The following PRDM6 variants were observed in gnomAD, a reference collection of about 807,000 sequenced individuals.
PRDM6 encodes putative histone-lysine N-methyltransferase PRDM6.
Under a neutral mutation model 60.8 loss-of-function variants are expected in PRDM6, and 25 were observed. That is an observed-to-expected ratio of 0.41 (90% CI 0.30 to 0.57). The LOEUF is 0.57. Among genes scored for constraint, PRDM6 ranks in the 20% least tolerant of loss-of-function variants. The pLI is 0.27. For missense variants in PRDM6, 839 were observed against 821.3 expected, an observed-to-expected ratio of 1.02 and a Z score of -0.26; for synonymous variants, 407 against 357.4, an observed-to-expected ratio of 1.14 and a Z score of -1.57.
chr5:123,125,538 A>C (rs1764675447), intron 3 of PRDM6, among the ~76,000 whole-genome samples: 1 of 152,212 alleles, frequency 6.6e-6, no homozygotes, highest in Non-Finnish European at 1.5e-5. Flanking sequence ...CCAGAAATTC[A>C]AAGTCTGCTC....
chr5:123,163,954 T>G (rs162953), intron 5 of PRDM6, among the ~76,000 whole-genome samples: 78,234 of 151,806 alleles, frequency 0.52, 20,392 homozygotes, highest in East Asian at 0.61. Flanking sequence ...TGGGACCTCT[T>G]CACGGTGCCC....
Position 123,090,067 on chromosome 5 carries a change from C to A in PRDM6, c.53C>A (p.Ala18Asp). 6.5e-7 allele frequency: 1 copy of A among 1,548,444 alleles called. No homozygotes were observed. Among genetic ancestry groups the A allele is most frequent in the Non-Finnish European group, 8.7e-7 (1 of 1,146,088 alleles). The part of the protein sequence containing the change: ...GGSAFLKVDP[A>D]YLQHWQQLFP... ...TCGGCCTTCCTCAAAGTGGACCCAGCCTACCTGCAGCACTGGCAGCAACTC... is the reference window on the plus strand; with the variant it reads ...TCGGCCTTCCTCAAAGTGGACCCAGACTACCTGCAGCACTGGCAGCAACTC... Residue 18 changes from alanine (A) to aspartate (D), a missense_variant, in exon 2 of 8, where the codon GCC becomes GAC. Ala to Asp is a moderately radical substitution (Grantham distance 126, BLOSUM62 -2). Around this residue, in one of 2 missense-constraint regions of PRDM6, gnomAD observed 730 missense variants for 648.8 expected, o/e 1.13. Coordinates refer to ENST00000407847, the MANE Select transcript of PRDM6 (RefSeq NM_001136239.4).
chr5:123,133,970 G>A (rs1216815720), intron 3 of PRDM6, among the ~76,000 whole-genome samples: 1 of 152,046 alleles, frequency 6.6e-6, no homozygotes. Context: ...AATGCCACAC[G>A]AACTTTTCAT....
rs1766362996 is a variant in PRDM6 at position 123,189,491 on chromosome 5, T to G, written c.*2290T>G. ...CCCTTGATGTCTGGCATGGGAAGGTTTTCCTTAACAATGATCTCTCTGCCA... is the reference window on the plus strand; with the variant it reads ...CCCTTGATGTCTGGCATGGGAAGGTGTTCCTTAACAATGATCTCTCTGCCA... On this transcript the variant is annotated 3_prime_UTR_variant, in exon 8 of 8. Transcript: ENST00000407847. The G allele has an allele frequency of 6.6e-6, 1 of 152,120 alleles. No homozygotes were observed. The highest frequency in any genetic ancestry group is 1.5e-5 in the Non-Finnish European group (1 of 68,022). The allele number at this position is 152,120 out of a possible 1,614,324, so 9.4% of individuals were successfully genotyped here. A position where few individuals can be genotyped will look rare whatever the true frequency, so the allele number is the denominator to read the frequency against.
intron 3 of PRDM6, among the ~76,000 whole-genome samples, chr5:123,129,098 G>A (rs965548406): frequency 8.6e-5 from 13 of 152,038 alleles, no homozygotes; most frequent in African/African-American, 3.1e-4. Flanking sequence ...ATTTCTGAGG[G>A]CTCTGTTCTG....
At chr5:123,122,889 T>G (rs75225032) in intron 3 of PRDM6, among the ~76,000 whole-genome samples, 1,707 of 152,144 alleles carry the variant, frequency 0.011, 33 homozygotes, top group African/African-American at 0.039. Flanking sequence ...TTACTACGAG[T>G]TTAATGATTG....
intron 3 of PRDM6, among the ~76,000 whole-genome samples, chr5:123,155,218 A>G (rs1459774697): frequency 6.6e-6 from 1 of 150,828 alleles, no homozygotes; most frequent in African/African-American, 2.4e-5. Flanking sequence ...TGTAGGATTC[A>G]TAGGAGACAG....
intron 3 of PRDM6, among the ~76,000 whole-genome samples, chr5:123,146,222 G>C (rs1261281659): frequency 6.6e-6 from 1 of 152,158 alleles, no homozygotes; most frequent in African/African-American, 2.4e-5. Flanking sequence ...TCAGGTTTCA[G>C]CAAGGTCTAT....
chr5:123,168,392 GAA>G (rs894474996), intron 5 of PRDM6, among the ~76,000 whole-genome samples: 2 of 150,316 alleles, frequency 1.3e-5, no homozygotes, highest in Non-Finnish European at 3.0e-5. Flanking sequence ...TGTATGGTCA[GAA>G]AAAAAAAATT....
At chr5:123,157,078 A>G (rs1644319) in intron 4 of PRDM6, among the ~76,000 whole-genome samples, 15,795 of 143,602 alleles carry the variant, frequency 0.11, 1,117 homozygotes, top group African/African-American at 0.21. Context: ...TTTTTTTTTT[A>G]AACGAAGCTT....
intron 3 of PRDM6, among the ~76,000 whole-genome samples, chr5:123,105,494 G>A (rs954091771): frequency 1.3e-5 from 2 of 152,184 alleles, no homozygotes; most frequent in Admixed American, 6.5e-5. Flanking sequence ...ACTTACAGTT[G>A]TAGTATAATA....
At chr5:123,128,133 G>A (rs538250577) in intron 3 of PRDM6, among the ~76,000 whole-genome samples, 2 of 152,314 alleles carry the variant, frequency 1.3e-5, no homozygotes, top group African/African-American at 2.4e-5. Flanking sequence ...ATTCCATGGT[G>A]TATATGTGCC....
chr5:123,094,059 C>T (rs1763904628), intron 2 of PRDM6, among the ~76,000 whole-genome samples: 1 of 151,820 alleles, frequency 6.6e-6, no homozygotes, highest in South Asian at 2.1e-4. Context: ...GGTGTGGGAG[C>T]GGGGCTTGAG....
chr5:123,167,927 T>TA (rs1457468581), intron 5 of PRDM6, among the ~76,000 whole-genome samples: 1 of 152,204 alleles, frequency 6.6e-6, no homozygotes, highest in Non-Finnish European at 1.5e-5. Context: ...TAATGTTGCC[T>TA]AAAACCTCGT....
intron 3 of PRDM6, among the ~76,000 whole-genome samples, chr5:123,114,906 A>G (rs1344499807): frequency 6.6e-6 from 1 of 152,220 alleles, no homozygotes; most frequent in Non-Finnish European, 1.5e-5. Flanking sequence ...TGCTTGGTGG[A>G]GAACAGTCTG....
intron 2 of PRDM6, among the ~76,000 whole-genome samples, chr5:123,097,214 T>G (rs1039917365): frequency 1.2e-4 from 19 of 152,364 alleles, no homozygotes; most frequent in African/African-American, 4.3e-4. Flanking sequence ...CTATCCAATC[T>G]CTTACTTTAA....
At position 123,188,594 on chromosome 5, in the gene PRDM6, C is replaced by G. The variant is rs4549523; in HGVS notation, c.*1393C>G. 6.6e-6 allele frequency: 1 copy of G among 152,156 alleles called. No individual in the cohort carries two copies. Among genetic ancestry groups the G allele is most frequent in the Admixed American group, 6.5e-5 (1 of 15,272 alleles). 9.4% of individuals were successfully genotyped at this position (152,156 alleles called of 1,614,324 possible). On this transcript the variant is annotated 3_prime_UTR_variant, in exon 8 of 8. Coordinates refer to ENST00000407847, the MANE Select transcript of PRDM6 (RefSeq NM_001136239.4). ...TTAGATAAAAACTGTTCAGTTTTAT[C>G]TAGAGTGTTTAATAACAACAGTTTC...
At chr5:123,105,529 A>T (rs1764182897) in intron 3 of PRDM6, among the ~76,000 whole-genome samples, 1 of 152,242 alleles carries the variant, frequency 6.6e-6, no homozygotes, top group African/African-American at 2.4e-5. Flanking sequence ...TTGTGATTGA[A>T]TATGAAAAAC....
Position 123,191,382 on chromosome 5 carries a change from C to T in PRDM6, c.*4181C>T, listed in dbSNP as rs1222424033. On this transcript the variant is annotated 3_prime_UTR_variant, in exon 8 of 8. Coordinates refer to ENST00000407847, the MANE Select transcript of PRDM6 (RefSeq NM_001136239.4). Reference sequence around the variant, plus strand: ...GGGTCCCTCTGAGTGTACCCAGCAGCCTGCGTTTAGGAGCAAATTCATTGC... The same window carrying T: ...GGGTCCCTCTGAGTGTACCCAGCAGTCTGCGTTTAGGAGCAAATTCATTGC... The T allele has an allele frequency of 1.3e-5, 2 of 152,138 alleles. No homozygotes were observed. Among genetic ancestry groups the T allele is most frequent in the African/African-American group, 4.8e-5 (2 of 41,426 alleles). 9.4% of individuals were successfully genotyped at this position (152,138 alleles called of 1,614,324 possible). A position where few individuals can be genotyped will look rare whatever the true frequency, so the allele number is the denominator to read the frequency against.
Sources: allele counts gnomAD v4.1 joint callset (sites outside exome capture counted in the v4.1 genomes callset), GRCh38; gene constraint gnomAD v4.1.1; regional missense constraint gnomAD v4.1.1; transcripts MANE v1.5; gene names NCBI Gene and HGNC (gene_info 2026-07-23, HGNC 2026-07-21).